The following EIF4G3 variants were observed in gnomAD, a reference collection of about 807,000 sequenced individuals.
EIF4G3 encodes the protein eIF-4-gamma 3.
In EIF4G3, 34 loss-of-function variants were observed where a neutral mutation model predicts 186.4. The observed-to-expected ratio is 0.18, with a 90% CI of 0.14 to 0.24. The LOEUF (loss-of-function observed/expected upper bound fraction) is 0.24, where lower values mean the gene tolerates loss of function less well. Ranked by LOEUF, EIF4G3 falls within the 10% of genes least tolerant of loss-of-function variation. EIF4G3 has a pLI of 1.00. For synonymous variants in EIF4G3, 673 were observed against 679.5 expected (o/e 0.99, Z 0.15); for missense variants, 1,536 against 1,948.5 (o/e 0.79, Z 3.99).
chr1:21,130,533 A>AC (rs2097134353), intron 2 of EIF4G3, among the ~76,000 whole-genome samples: 1 of 151,932 alleles, frequency 6.6e-6, no homozygotes, highest in Non-Finnish European at 1.5e-5. Context: ...TTAACTAAGC[A>AC]CCCAATATCT....
chr1:20,853,388 C>A (rs1012089049), intron 27 of EIF4G3, among the ~76,000 whole-genome samples, 172 bp downstream of exon 27: 2 of 152,144 alleles, frequency 1.3e-5, no homozygotes, highest in African/African-American at 4.8e-5. Context: ...AAATTCACCA[C>A]CCAATTATGT....
chr1:21,155,142 A>C (rs2097624618), intron 2 of EIF4G3, among the ~76,000 whole-genome samples: 1 of 151,778 alleles, frequency 6.6e-6, no homozygotes, highest in Non-Finnish European at 1.5e-5. Flanking sequence ...AGGTGCCTGT[A>C]ATCTCAGCTA....
At chr1:21,093,862 C>T (rs571302057) in intron 2 of EIF4G3, among the ~76,000 whole-genome samples, 2 of 152,140 alleles carry the variant, frequency 1.3e-5, no homozygotes, top group East Asian at 3.9e-4. Flanking sequence ...GGACAAAAAA[C>T]CAAACACCAC....
At chr1:21,024,458 G>A (rs180879476) in intron 4 of EIF4G3, among the ~76,000 whole-genome samples, 2 of 152,146 alleles carry the variant, frequency 1.3e-5, no homozygotes, top group Non-Finnish European at 2.9e-5. Flanking sequence ...AGGGGGGAAA[G>A]GTGGGGAAAA....
intron 4 of EIF4G3, among the ~76,000 whole-genome samples, chr1:21,009,829 A>G (rs2086456723): frequency 6.6e-6 from 1 of 151,660 alleles, no homozygotes; most frequent in African/African-American, 2.4e-5. Flanking sequence ...TAATTTTTCT[A>G]TTTTTAGTAG....
At chr1:20,974,621 G>A (rs753080130) in intron 10 of EIF4G3, among the ~76,000 whole-genome samples, 17 of 152,252 alleles carry the variant, frequency 1.1e-4, no homozygotes, top group South Asian at 1.0e-3. Context: ...AAATTTTGCC[G>A]TAAAAGAAAA....
intron 1 of EIF4G3, 38 bp from the exon 2 acceptor site, chr1:21,176,396 A>G: frequency 4.1e-6 from 1 of 242,316 alleles, no homozygotes; most frequent in South Asian, 1.5e-4. Context: ...AACTCATGGC[A>G]AAGCGAAGCC....
intron 14 of EIF4G3, among the ~76,000 whole-genome samples, chr1:20,917,629 G>A (rs2094029650): frequency 6.6e-6 from 1 of 152,228 alleles, no homozygotes; most frequent in Non-Finnish European, 1.5e-5. Context: ...GAGGGTAGTA[G>A]TGCAGGAGGG....
At chr1:20,941,421 T>C (rs1372076914) in intron 14 of EIF4G3, 70 bp downstream of exon 14, 1 of 1,609,508 alleles carries the variant, frequency 6.2e-7, no homozygotes, top group South Asian at 1.1e-5. Flanking sequence ...AGTAGCCAAT[T>C]AAAAAATAAC....
At chr1:20,888,620 T>C (rs2084976800) in intron 18 of EIF4G3, among the ~76,000 whole-genome samples, 2 of 152,126 alleles carry the variant, frequency 1.3e-5, no homozygotes, top group South Asian at 4.1e-4. Context: ...TGAGCAAAGT[T>C]ACTATAGGCA....
At chr1:20,977,544 A>C (rs911045012) in intron 10 of EIF4G3, among the ~76,000 whole-genome samples, 1 of 152,186 alleles carries the variant, frequency 6.6e-6, no homozygotes, top group Non-Finnish European at 1.5e-5. Context: ...TTATTTTAAG[A>C]TTGTTTTTCT....
At chr1:20,901,285 T>C (rs2090191945) in intron 15 of EIF4G3, among the ~76,000 whole-genome samples, 1 of 152,132 alleles carries the variant, frequency 6.6e-6, no homozygotes, top group Admixed American at 6.5e-5. Flanking sequence ...GAATCATGAA[T>C]CAGCAGCCTC....
chr1:20,986,201 C>G (rs17542813), intron 7 of EIF4G3, among the ~76,000 whole-genome samples: 4,175 of 152,226 alleles, frequency 0.027, 88 homozygotes, highest in Non-Finnish European at 0.038. Flanking sequence ...ACCTGGCACT[C>G]ACTAAAAAAA....
intron 14 of EIF4G3, among the ~76,000 whole-genome samples, chr1:20,911,164 G>A (rs1414891026): frequency 6.6e-6 from 1 of 152,106 alleles, no homozygotes; most frequent in African/African-American, 2.4e-5. Context: ...TTTTGTGTAT[G>A]ATTCTGATCT....
intron 3 of EIF4G3, among the ~76,000 whole-genome samples, chr1:21,074,979 T>C (rs1393163983): frequency 6.6e-6 from 1 of 151,696 alleles, no homozygotes; most frequent in Non-Finnish European, 1.5e-5. Flanking sequence ...CATGAAAACA[T>C]GGGAAAGTAT....
chr1:20,860,434 T>G lies in EIF4G3; in HGVS notation c.3195A>C (p.Glu1065Asp), dbSNP rs1288203556. 1.9e-6 allele frequency: 3 copies of G among 1,614,040 alleles called. No individual in the cohort carries two copies. The highest frequency in any genetic ancestry group is 2.5e-6 in the Non-Finnish European group (3 of 1,180,016). The change falls in exon 24 of 37, where the codon GAA (glutamate) becomes GAC (aspartate). Residue 1065 changes from glutamate (E) to aspartate (D), a missense_variant. Physicochemically the swap from Glu to Asp is conservative, Grantham distance 45 (BLOSUM62 2). This residue lies in a region of EIF4G3 where 110 missense variants were observed against 166.2 expected (regional missense o/e 0.66). Coordinates refer to ENST00000602326, the MANE Select transcript of EIF4G3 (RefSeq NM_001391906.1). ...IHKEAKIEEQ[E>D]EQRKVQQLMT... is the part of the protein sequence containing the mutation. Reference sequence around the variant, plus strand: ...TGAGTTGCTGGACCTTCCTTTGCTCTTCTTGTTCTTCTATTTTAGCCTCTT... The same window carrying G: ...TGAGTTGCTGGACCTTCCTTTGCTCGTCTTGTTCTTCTATTTTAGCCTCTT...
chr1:21,110,569 A>G (rs959429051), intron 2 of EIF4G3, among the ~76,000 whole-genome samples: 5 of 152,184 alleles, frequency 3.3e-5, no homozygotes, highest in Admixed American at 3.3e-4. Flanking sequence ...TGCTAGGATT[A>G]CAGGTGTGAG....
At chr1:21,118,931 T>TAAA (rs35040627) in intron 2 of EIF4G3, among the ~76,000 whole-genome samples, 30 of 86,122 alleles carry the variant, frequency 3.5e-4, no homozygotes, top group African/African-American at 8.4e-4. Context: ...CAAGCTCTAT[T>TAAA]AAAAAAAAAA....
At chr1:20,830,232 T>G (rs1282462552) in intron 30 of EIF4G3, among the ~76,000 whole-genome samples, 2 of 152,160 alleles carry the variant, frequency 1.3e-5, no homozygotes, top group African/African-American at 4.8e-5. Flanking sequence ...TATGCCACCC[T>G]TTTTTCAGAG....
Sources: gnomAD v4.1 joint callset for allele counts (sites outside exome capture counted in the v4.1 genomes callset) on GRCh38, gnomAD v4.1.1 for gene constraint, gnomAD v4.1.1 regional missense constraint, MANE v1.5 for transcripts, NCBI Gene and HGNC (gene_info 2026-07-23, HGNC 2026-07-21) for gene names.